The following PLXDC2 variants were observed in gnomAD, a reference collection of about 807,000 sequenced individuals.
PLXDC2 encodes plexin domain containing 2.
PLXDC2 carries 40 observed loss-of-function variants against 68.9 expected under a neutral mutation model. The ratio of observed to expected loss-of-function variants is 0.58; its 90% CI spans 0.45 to 0.76. The LOEUF (loss-of-function observed/expected upper bound fraction) is 0.76, where lower values mean the gene tolerates loss of function less well. Among genes scored for constraint, PLXDC2 ranks in the 30% least tolerant of loss-of-function variants. The pLI is 0.00. For synonymous variants in PLXDC2, 243 were observed against 234.2 expected, an observed-to-expected ratio of 1.04 and a Z score of -0.34; for missense variants, 644 against 661.9, an observed-to-expected ratio of 0.97 and a Z score of 0.30.
chr10:20,117,531 G>A (rs1446697756), intron 4 of PLXDC2, among the ~76,000 whole-genome samples: 2 of 152,142 alleles, frequency 1.3e-5, no homozygotes, highest in African/African-American at 4.8e-5. Flanking sequence ...CAGGTCTAAA[G>A]ACATAACAAG....
At chr10:20,230,703 A>AAAAAAAAAAAAAAAAAAAAAAAAAAAG (rs1564361122) in intron 12 of PLXDC2, among the ~76,000 whole-genome samples, 1 of 149,434 alleles carries the variant, frequency 6.7e-6, no homozygotes, top group Non-Finnish European at 1.5e-5. Flanking sequence ...CAAAAAAAAA[A>AAAAAAAAAAAAAAAAAAAAAAAAAAAG]AAAAAAAAAA....
intron 1 of PLXDC2, among the ~76,000 whole-genome samples, chr10:19,983,644 C>A (rs12249419): frequency 0.11 from 16,127 of 152,144 alleles, 958 homozygotes; most frequent in East Asian, 0.25. Context: ...TTCTGCCTCC[C>A]TCCTCTATCT....
intron 2 of PLXDC2, among the ~76,000 whole-genome samples, chr10:20,043,634 AT>A (rs1239807477): frequency 2.0e-5 from 3 of 152,152 alleles, no homozygotes; most frequent in Non-Finnish European, 2.9e-5. Context: ...TTGCAGCATC[AT>A]AAAATCTGTT....
chr10:19,909,067 C>G (rs926079155), intron 1 of PLXDC2, among the ~76,000 whole-genome samples: 1 of 152,150 alleles, frequency 6.6e-6, no homozygotes, highest in Non-Finnish European at 1.5e-5. Flanking sequence ...TGTCAGCATT[C>G]TGGTGTGTAT....
chr10:20,277,950 C>T (rs1836029836), intron 13 of PLXDC2, among the ~76,000 whole-genome samples: 1 of 152,092 alleles, frequency 6.6e-6, no homozygotes, highest in South Asian at 2.1e-4. Flanking sequence ...ATGTTTGTGC[C>T]TTTCTGTGAC....
intron 13 of PLXDC2, 152 bp from the exon 14 acceptor site, chr10:20,279,551 G>A (rs1406264951): frequency 1.5e-6 from 1 of 653,586 alleles, no homozygotes; most frequent in African/African-American, 1.8e-5. Flanking sequence ...GTTGATAAGG[G>A]GAATTCTTAA....
chr10:19,830,891 A>C (rs895657890), intron 1 of PLXDC2, among the ~76,000 whole-genome samples: 5 of 152,166 alleles, frequency 3.3e-5, no homozygotes, highest in African/African-American at 1.2e-4. Flanking sequence ...TGAGAAATCC[A>C]TCAAAGTGTT....
At chr10:20,180,215 A>G (rs1834583056) in intron 9 of PLXDC2, among the ~76,000 whole-genome samples, 1 of 151,992 alleles carries the variant, frequency 6.6e-6, no homozygotes, top group African/African-American at 2.4e-5. Flanking sequence ...GAAATTCATC[A>G]AAGAACGCTA....
At chr10:19,858,394 G>A (rs910772599) in intron 1 of PLXDC2, among the ~76,000 whole-genome samples, 1 of 152,166 alleles carries the variant, frequency 6.6e-6, no homozygotes, top group Admixed American at 6.6e-5. Context: ...ACAAAGTAGT[G>A]TTCAACGAAT....
intron 11 of PLXDC2, among the ~76,000 whole-genome samples, chr10:20,218,722 ATAAG>A (rs1264287207): frequency 6.6e-6 from 1 of 152,158 alleles, no homozygotes; most frequent in Non-Finnish European, 1.5e-5. Context: ...AAATGAATAA[ATAAG>A]GTCATAACTA....
At chr10:20,155,286 T>G (rs1834203127) in intron 6 of PLXDC2, among the ~76,000 whole-genome samples, 1 of 152,088 alleles carries the variant, frequency 6.6e-6, no homozygotes, top group South Asian at 2.1e-4. Context: ...CTTGTAGAAT[T>G]TATAGAAAAA....
intron 5 of PLXDC2, among the ~76,000 whole-genome samples, chr10:20,146,522 C>CCTT (rs34536505): frequency 0.1 from 1,372 of 13,268 alleles, 10 homozygotes; most frequent in Non-Finnish European, 0.17. Context: ...CTTCCTTCCT[C>CCTT]CCTCCCTCCC....
chr10:20,159,675 G>A (rs191405046), intron 6 of PLXDC2, among the ~76,000 whole-genome samples: 6 of 152,152 alleles, frequency 3.9e-5, no homozygotes, highest in East Asian at 1.9e-4. Flanking sequence ...AGGAATACAC[G>A]CTCCCTATGA....
chr10:20,036,644 T>C (rs189933597), intron 2 of PLXDC2, among the ~76,000 whole-genome samples: 3 of 152,254 alleles, frequency 2.0e-5, no homozygotes, highest in South Asian at 2.1e-4. Flanking sequence ...TTCCAGTGGA[T>C]TGGAAAATCA....
intron 12 of PLXDC2, among the ~76,000 whole-genome samples, chr10:20,243,670 A>G (rs993987206): frequency 6.6e-6 from 1 of 151,356 alleles, no homozygotes; most frequent in African/African-American, 2.4e-5. Context: ...AAAATAAAAG[A>G]AAGAAATCAG....
intron 1 of PLXDC2, among the ~76,000 whole-genome samples, chr10:19,880,381 G>C (rs1837706529): frequency 6.6e-6 from 1 of 152,168 alleles, no homozygotes; most frequent in African/African-American, 2.4e-5. Flanking sequence ...CTATGATGAA[G>C]TTTAAATAAA....
At chr10:19,869,655 T>G (rs1234256622) in intron 1 of PLXDC2, among the ~76,000 whole-genome samples, 1 of 152,084 alleles carries the variant, frequency 6.6e-6, no homozygotes, top group Non-Finnish European at 1.5e-5. Context: ...ATTTAAACAT[T>G]TAATTAATAT....
intron 9 of PLXDC2, among the ~76,000 whole-genome samples, chr10:20,183,623 A>G (rs754163832): frequency 1.6e-4 from 25 of 151,984 alleles, no homozygotes; most frequent in Non-Finnish European, 2.9e-4. Context: ...TCTTCTAAGG[A>G]GTAGAAACGC....
Position 20,285,684 on chromosome 10 carries a change from C to T in PLXDC2, c.*5865C>T, listed in dbSNP as rs564929381. On this transcript the variant is annotated 3_prime_UTR_variant, in exon 14 of 14. Coordinates refer to ENST00000377252, the MANE Select transcript of PLXDC2 (RefSeq NM_032812.9). Reference sequence around the variant, plus strand: ...ATGCAACAGTTGAAGTTTGATTTCTCGACCCAATATTTCTATTGGGTTTTG... The same window carrying T: ...ATGCAACAGTTGAAGTTTGATTTCTTGACCCAATATTTCTATTGGGTTTTG... 12 of 152,112 alleles carry T rather than the reference C, an allele frequency of 7.9e-5. No homozygotes were observed. Among genetic ancestry groups the T allele is most frequent in the African/African-American group, 2.9e-4 (12 of 41,404 alleles). 9.4% of individuals were successfully genotyped at this position (152,112 alleles called of 1,614,324 possible).
Sources: gnomAD v4.1 joint callset for allele counts (sites outside exome capture counted in the v4.1 genomes callset) on GRCh38, gnomAD v4.1.1 for gene constraint, MANE v1.5 for transcripts, NCBI Gene and HGNC (gene_info 2026-07-23, HGNC 2026-07-21) for gene names.